Variants in DLC1 observed in about 807,000 individuals in gnomAD.
DLC1 encodes DLC1 Rho GTPase activating protein.
A neutral mutation model predicts 140.3 loss-of-function variants in DLC1; 54 were observed. The observed-to-expected ratio is 0.38, with a 90% CI of 0.31 to 0.48. The LOEUF (loss-of-function observed/expected upper bound fraction) is 0.48, where lower values mean the gene tolerates loss of function less well. DLC1 is among the 20% of genes least tolerant of loss of function. The pLI, the probability that DLC1 is intolerant of heterozygous loss-of-function variation, is 0.96. For missense variants in DLC1, 2,536 were observed against 1,907.0 expected (o/e 1.33, Z -6.14); for synonymous variants, 986 against 728.1 (o/e 1.35, Z -5.70).
In DLC1 at chr8:13,386,617, A is replaced by G. The variant is rs185048232; in HGVS notation, c.1314+6936T>C. On this transcript the variant is annotated intron_variant, in intron 4 of 17. Transcript: ENST00000276297. ...ATTAGAGAATTTTGAATTTATTTTA[A>G]ATATAAAAGTAAATGGCCGTGGAAA... Among the ~76,000 whole-genome samples the G allele has an allele frequency of 7.5e-4, 114 of 152,240 alleles. 1 individual carries two copies. Among genetic ancestry groups the G allele is most frequent in the African/African-American group, 2.7e-3 (113 of 41,572 alleles).
At chr8:13,448,102 C>G (rs974836351) in intron 2 of DLC1, among the ~76,000 whole-genome samples, 2 of 152,256 alleles carry the variant, frequency 1.3e-5, no homozygotes, top group East Asian at 1.9e-4. Context: ...TATAACTCAT[C>G]TTGGAAACTA....
intron 5 of DLC1, chr8:13,214,457 G>A: frequency 1.6e-6 from 1 of 614,728 alleles, no homozygotes; most frequent in Non-Finnish European, 2.9e-6. Context: ...ATGACCTGTG[G>A]TCTGTGCTGA....
intron 4 of DLC1, among the ~76,000 whole-genome samples, chr8:13,364,451 A>G (rs1835387433): frequency 6.6e-6 from 1 of 152,124 alleles, no homozygotes; most frequent in Non-Finnish European, 1.5e-5. Context: ...GGCATGTGCC[A>G]CCACGCCAGG....
At chr8:13,294,882 C>T (rs1262656238) in intron 5 of DLC1, among the ~76,000 whole-genome samples, 1 of 152,166 alleles carries the variant, frequency 6.6e-6, no homozygotes, top group South Asian at 2.1e-4. Context: ...ATAACAATAG[C>T]ACCTACCTCA....
At chr8:13,489,784 A>G (rs1399890547) in intron 2 of DLC1, among the ~76,000 whole-genome samples, 3 of 152,170 alleles carry the variant, frequency 2.0e-5, no homozygotes, top group Non-Finnish European at 1.5e-5. Flanking sequence ...TGAAGAAGCT[A>G]CTTATGCTGG....
chr8:13,579,677 T>C (rs902909305), intron 1 of DLC1, among the ~76,000 whole-genome samples: 9 of 143,764 alleles, frequency 6.3e-5, no homozygotes, highest in Non-Finnish European at 9.0e-5. Context: ...CATATGTATG[T>C]ATGTATATTT....
Position 13,258,908 on chromosome 8 carries a change from C to T in DLC1, c.1348+46361G>A, listed in dbSNP as rs563362859. On this transcript the variant is annotated intron_variant, in intron 5 of 17. Coordinates refer to ENST00000276297, the MANE Select transcript of DLC1 (RefSeq NM_182643.3). ...ATCCCAGCACTTTGGGAGGCCGAGGCGGGTGGATCACGAGGTCAGGAGATC... is the reference window on the plus strand; with the variant it reads ...ATCCCAGCACTTTGGGAGGCCGAGGTGGGTGGATCACGAGGTCAGGAGATC... Among the ~76,000 whole-genome samples, 507 of 151,932 alleles carry T rather than the reference C, an allele frequency of 3.3e-3. 8 individuals carry two copies. The highest frequency in any genetic ancestry group is 0.012 in the African/African-American group (492 of 41,434).
intron 16 of DLC1, among the ~76,000 whole-genome samples, chr8:13,087,139 G>T (rs564611138): frequency 6.6e-6 from 1 of 152,326 alleles, no homozygotes; most frequent in South Asian, 2.1e-4. Flanking sequence ...GGTGGCCCAT[G>T]CCTGTAATCC....
At chr8:13,418,354 C>T (rs961727543) in intron 2 of DLC1, among the ~76,000 whole-genome samples, 4 of 152,128 alleles carry the variant, frequency 2.6e-5, no homozygotes, top group African/African-American at 4.8e-5. Flanking sequence ...TTAGGTCTAA[C>T]GTTTCAGTCT....
chr8:13,446,583 G>C lies in DLC1; in HGVS notation c.1024-44964C>G, dbSNP rs114225961. ...AAAGAAGGAAAGGAAGGAAAAAAGA[G>C]AAAGAAACAAGGAAGGAACGGAGGG... is the stretch of plus-strand genomic sequence containing the variant. On this transcript the variant is annotated intron_variant, in intron 2 of 17. Coordinates refer to ENST00000276297, the MANE Select transcript of DLC1 (RefSeq NM_182643.3). 3.3e-3 allele frequency among the ~76,000 whole-genome samples: 505 copies of C among 152,072 alleles called. 2 individuals are homozygous for C. The highest frequency in any genetic ancestry group is 0.012 in the African/African-American group (482 of 41,478).
At chr8:13,131,938 A>G (rs1006644165) in intron 5 of DLC1, among the ~76,000 whole-genome samples, 3 of 152,188 alleles carry the variant, frequency 2.0e-5, no homozygotes, top group African/African-American at 7.2e-5. Flanking sequence ...AGGGTGCTGC[A>G]GAGAGGAGGG....
intron 4 of DLC1, chr8:13,340,120 C>A (rs796122115): frequency 2.1e-5 from 3 of 142,628 alleles, no homozygotes; most frequent in African/African-American, 7.4e-5. Context: ...GGGGAGGAGG[C>A]CGGAATGAAG....
chr8:13,112,133 A>G (rs1352227249), intron 6 of DLC1, among the ~76,000 whole-genome samples: 1 of 151,946 alleles, frequency 6.6e-6, no homozygotes, highest in Non-Finnish European at 1.5e-5. Context: ...CCTGGATGAC[A>G]GAGTGAGACC....
intron 5 of DLC1, among the ~76,000 whole-genome samples, chr8:13,268,054 A>G (rs1026858515): frequency 6.6e-6 from 1 of 152,184 alleles, no homozygotes; most frequent in Non-Finnish European, 1.5e-5. Context: ...CTAAACTCTG[A>G]GGGTAATCTA....
chr8:13,504,067 C>T lies in DLC1; in HGVS notation c.-125-3871G>A, dbSNP rs1038023088. ...AAATTCCAGAGAATTGCTTGCAACT[C>T]GAAAACTCACTAGTTACCTTGGAGG... On this transcript the variant is annotated intron_variant, in intron 1 of 17. Coordinates refer to ENST00000276297, the MANE Select transcript of DLC1 (RefSeq NM_182643.3). Among the ~76,000 whole-genome samples, 5 of 150,916 alleles carry T rather than the reference C, an allele frequency of 3.3e-5. No homozygotes were observed. In the Admixed American group the frequency reaches 3.3e-4, roughly 10 times the overall value.
intron 4 of DLC1, 107 bp from the exon 5 acceptor site, chr8:13,305,409 A>G: frequency 1.7e-6 from 2 of 1,153,662 alleles, no homozygotes; most frequent in Middle Eastern, 2.6e-4. Context: ...TAAATAGAGA[A>G]TGCCAATAGA....
In DLC1 at chr8:13,446,133, C is replaced by A. The variant is rs190207439; in HGVS notation, c.1024-44514G>T. 2.6e-5 allele frequency among the ~76,000 whole-genome samples: 4 copies of A among 152,270 alleles called. No homozygotes were observed. In the East Asian group the frequency reaches 7.7e-4, roughly 29 times the overall value. ...CACATCAAGACAAAGAACTCTCCCCCCCTCTGTGTTCCTTTGTTTAACTAG... is the reference window on the plus strand; with the variant it reads ...CACATCAAGACAAAGAACTCTCCCCACCTCTGTGTTCCTTTGTTTAACTAG... On this transcript the variant is annotated intron_variant, in intron 2 of 17. Transcript: ENST00000276297.
chr8:13,385,378 C>T (rs1238879041), intron 4 of DLC1, among the ~76,000 whole-genome samples: 1 of 152,060 alleles, frequency 6.6e-6, no homozygotes, highest in African/African-American at 2.4e-5. Context: ...TTCAGGAGGT[C>T]ATCTGGATTA....
intron 4 of DLC1, among the ~76,000 whole-genome samples, chr8:13,367,017 C>T (rs1477029001): frequency 6.6e-6 from 1 of 152,168 alleles, no homozygotes; most frequent in African/African-American, 2.4e-5. Context: ...CGAACTTTGC[C>T]TCCTTTCCCT....
Sources: allele counts gnomAD v4.1 joint callset (sites outside exome capture counted in the v4.1 genomes callset), GRCh38; gene constraint gnomAD v4.1.1; transcripts MANE v1.5; gene names NCBI Gene and HGNC (gene_info 2026-07-23, HGNC 2026-07-21).